Variants in PTPRK observed in about 807,000 individuals in gnomAD.
The protein encoded by PTPRK is receptor-type tyrosine-protein phosphatase kappa.
PTPRK carries 75 observed loss-of-function variants against 178.0 expected under a neutral mutation model. The ratio of observed to expected loss-of-function variants is 0.42; its 90% CI spans 0.35 to 0.51. The LOEUF (loss-of-function observed/expected upper bound fraction) is 0.51. PTPRK is among the 20% of genes least tolerant of loss of function. The pLI, the probability that PTPRK is intolerant of heterozygous loss-of-function variation, is 0.02. For missense variants in PTPRK, 1,441 were observed against 1,797.8 expected (o/e 0.80, Z 3.59); for synonymous variants, 637 against 620.6 (o/e 1.03, Z -0.39).
intron 13 of PTPRK, among the ~76,000 whole-genome samples, chr6:128,053,149 AACACAC>A (rs61106638): frequency 0.019 from 2,697 of 144,914 alleles, 64 homozygotes; most frequent in African/African-American, 0.061. Context: ...ATGTGTATGG[AACACAC>A]ACACACACAC....
chr6:128,238,506 G>A (rs902724949), intron 5 of PTPRK, among the ~76,000 whole-genome samples: 1 of 152,084 alleles, frequency 6.6e-6, no homozygotes, highest in African/African-American at 2.4e-5. Context: ...ACCAAGGGCA[G>A]ACCTACAGAG....
chr6:128,010,835 C>A (rs903699695), intron 13 of PTPRK, among the ~76,000 whole-genome samples: 8 of 151,048 alleles, frequency 5.3e-5, no homozygotes, highest in Non-Finnish European at 1.2e-4. Flanking sequence ...AAGGCTTTGG[C>A]TGGTGTATTT....
At chr6:128,318,419 T>C (rs548051942) in intron 3 of PTPRK, among the ~76,000 whole-genome samples, 26 of 152,302 alleles carry the variant, frequency 1.7e-4, no homozygotes, top group African/African-American at 3.6e-4. Flanking sequence ...TGTCAATTCT[T>C]ACATTTTTTT....
chr6:128,126,590 G>A (rs933450213), intron 7 of PTPRK, among the ~76,000 whole-genome samples: 7 of 152,170 alleles, frequency 4.6e-5, no homozygotes, highest in East Asian at 3.9e-4. Flanking sequence ...GGGTGCAAGC[G>A]ATCTTCCCAC....
intron 7 of PTPRK, among the ~76,000 whole-genome samples, chr6:128,102,460 T>C (rs1026233097): frequency 3.9e-5 from 6 of 152,146 alleles, no homozygotes; most frequent in African/African-American, 1.4e-4. Context: ...GAGTTACAAA[T>C]GTGGTCTTTT....
intron 7 of PTPRK, among the ~76,000 whole-genome samples, chr6:128,164,567 GATCA>G (rs1373518862): frequency 1.3e-5 from 2 of 151,198 alleles, no homozygotes; most frequent in African/African-American, 4.8e-5. Flanking sequence ...AGTAATACAA[GATCA>G]ATATCTTCAT....
At chr6:128,370,542 T>C (rs1205384857) in intron 2 of PTPRK, among the ~76,000 whole-genome samples, 1 of 152,102 alleles carries the variant, frequency 6.6e-6, no homozygotes, top group African/African-American at 2.4e-5. Flanking sequence ...CATCATATCA[T>C]CTTAGCTTTT....
chr6:128,169,255 T>A (rs1307698817), intron 7 of PTPRK, among the ~76,000 whole-genome samples: 1 of 152,112 alleles, frequency 6.6e-6, no homozygotes, highest in Non-Finnish European at 1.5e-5. Context: ...GAGCTATATG[T>A]AAATTTGTTT....
intron 7 of PTPRK, among the ~76,000 whole-genome samples, chr6:128,121,117 T>C (rs775177047): frequency 6.6e-6 from 1 of 151,952 alleles, no homozygotes; most frequent in African/African-American, 2.4e-5. Flanking sequence ...TGTAAAACTA[T>C]TACTATGTAA....
chr6:128,171,576 A>T (rs1562720094), intron 7 of PTPRK, among the ~76,000 whole-genome samples: 1 of 152,006 alleles, frequency 6.6e-6, no homozygotes, highest in African/African-American at 2.4e-5. Flanking sequence ...ACCACGATAT[A>T]ACAAATGCGT....
At chr6:128,424,991 G>T (rs894215670) in intron 1 of PTPRK, among the ~76,000 whole-genome samples, 8 of 150,562 alleles carry the variant, frequency 5.3e-5, no homozygotes, top group African/African-American at 2.0e-4. Flanking sequence ...GGTGGTGTTT[G>T]ATTACATGAA....
chr6:128,301,476 G>C (rs954038081), intron 3 of PTPRK, among the ~76,000 whole-genome samples: 2 of 151,870 alleles, frequency 1.3e-5, no homozygotes, highest in African/African-American at 4.8e-5. Flanking sequence ...GAAGCTGAGA[G>C]AACTGTTAAG....
At chr6:128,130,944 T>C (rs990126382) in intron 7 of PTPRK, among the ~76,000 whole-genome samples, 26 of 152,348 alleles carry the variant, frequency 1.7e-4, no homozygotes, top group Admixed American at 2.6e-4. Flanking sequence ...TATTGTTGCA[T>C]GAATGAGTAT....
intron 1 of PTPRK, among the ~76,000 whole-genome samples, chr6:128,435,475 T>C (rs1473001170): frequency 6.6e-6 from 1 of 152,102 alleles, no homozygotes; most frequent in Non-Finnish European, 1.5e-5. Flanking sequence ...ATGGAATTCA[T>C]CTCAACATAA....
At chr6:128,091,331 C>A (rs540939491) in intron 7 of PTPRK, among the ~76,000 whole-genome samples, 2 of 152,118 alleles carry the variant, frequency 1.3e-5, no homozygotes, top group Non-Finnish European at 2.9e-5. Flanking sequence ...TTTTAAAAAT[C>A]GTTTTATATG....
chr6:127,982,702 G>C (rs1284652574), intron 24 of PTPRK, 129 bp downstream of exon 24: 1 of 688,060 alleles, frequency 1.5e-6, no homozygotes, highest in East Asian at 2.6e-5. Flanking sequence ...TAATGAAAGA[G>C]ATACGTATTG....
At chr6:128,317,016 T>C (rs532874278) in intron 3 of PTPRK, among the ~76,000 whole-genome samples, 1 of 152,332 alleles carries the variant, frequency 6.6e-6, no homozygotes, top group Admixed American at 6.5e-5. Context: ...GTTTTGTTAA[T>C]AGCCTATCAA....
At chr6:128,354,634 AATAAGAAT>A (rs1833723247) in intron 2 of PTPRK, among the ~76,000 whole-genome samples, 4 of 152,190 alleles carry the variant, frequency 2.6e-5, no homozygotes. Context: ...TATAACTGGC[AATAAGAAT>A]GGTTAACATG....
At chr6:128,020,298 A>G (rs73773987) in intron 13 of PTPRK, among the ~76,000 whole-genome samples, 2,895 of 152,270 alleles carry the variant, frequency 0.019, 95 homozygotes, top group African/African-American at 0.066. Context: ...GTACAAACAA[A>G]CAGTGCGGAA....
Sources: gnomAD v4.1 joint callset for allele counts (sites outside exome capture counted in the v4.1 genomes callset) on GRCh38, gnomAD v4.1.1 for gene constraint, MANE v1.5 for transcripts, NCBI Gene and HGNC (gene_info 2026-07-23, HGNC 2026-07-21) for gene names.